The following PDK1 variants were observed in gnomAD, a reference collection of about 807,000 sequenced individuals.
PDK1 encodes [Pyruvate dehydrogenase (acetyl-transferring)] kinase isozyme 1, mitochondrial.
PDK1 carries 39 observed loss-of-function variants against 54.2 expected under a neutral mutation model. The observed-to-expected ratio is 0.72, with a 90% CI of 0.56 to 0.94. PDK1 has a LOEUF of 0.94. Ranked by LOEUF, PDK1 falls within the 40% of genes least tolerant of loss-of-function variation. The pLI, the probability that PDK1 is intolerant of heterozygous loss-of-function variation, is 0.00. For synonymous variants in PDK1, 221 were observed against 207.1 expected (o/e 1.07, Z -0.58); for missense variants, 552 against 566.0 (o/e 0.98, Z 0.25).
chr2:172,721,147 C>T, the PDK1 span, among the ~76,000 whole-genome samples: 1 of 152,200 alleles, frequency 6.6e-6, no homozygotes, highest in South Asian at 2.1e-4. Context: ...GAAGGTGAGA[C>T]AGAGCTTGTA....
chr2:172,673,984 C>G, the PDK1 span, among the ~76,000 whole-genome samples: 15 of 152,322 alleles, frequency 9.8e-5, no homozygotes, highest in African/African-American at 3.6e-4. Flanking sequence ...TTTGAGCTTC[C>G]TTGGATTTAG....
chr2:172,701,309 T>C, the PDK1 span, among the ~76,000 whole-genome samples: 1 of 146,732 alleles, frequency 6.8e-6, no homozygotes, highest in African/African-American at 2.6e-5. Context: ...ACAGATACTA[T>C]GTTTTGATTA....
chr2:172,716,623 C>T, the PDK1 span, among the ~76,000 whole-genome samples: 1 of 151,894 alleles, frequency 6.6e-6, no homozygotes, highest in African/African-American at 2.4e-5. Context: ...CTGTGCCAGG[C>T]CTAAGTTGGC....
the PDK1 span, among the ~76,000 whole-genome samples, chr2:172,658,727 A>C: frequency 6.6e-6 from 1 of 152,198 alleles, no homozygotes; most frequent in Non-Finnish European, 1.5e-5. Context: ...TATCTGTCTT[A>C]TGCAGTCAAG....
At chr2:172,719,177 C>T in the PDK1 span, among the ~76,000 whole-genome samples, 5 of 152,180 alleles carry the variant, frequency 3.3e-5, no homozygotes, top group Non-Finnish European at 5.9e-5. Context: ...CTGAGTAGTA[C>T]TCCATTGCAT....
the PDK1 span, among the ~76,000 whole-genome samples, chr2:172,694,392 A>G: frequency 6.6e-6 from 1 of 152,242 alleles, no homozygotes; most frequent in African/African-American, 2.4e-5. Context: ...TAAAAGAAAT[A>G]CAGCAGGTCC....
intron 6 of PDK1, among the ~76,000 whole-genome samples, chr2:172,568,064 T>C (rs1294248514): frequency 6.6e-6 from 1 of 152,142 alleles, no homozygotes; most frequent in African/African-American, 2.4e-5. Flanking sequence ...CTGGGCGCAG[T>C]GGCTCACATC....
rs1691102071 is a variant in PDK1, at chr2:172,601,126, G to T, written c.*5157G>T. On this transcript the variant is annotated 3_prime_UTR_variant, in exon 11 of 11. Transcript: ENST00000282077. ...GCCTTCTATAACAATTGTATGCTCA[G>T]TAAATACATAAGGAATAATGAACTT... 1 of 152,126 alleles carries T rather than the reference G, an allele frequency of 6.6e-6. No individual in the cohort carries two copies. Among genetic ancestry groups the T allele is most frequent in the Admixed American group, 6.6e-5 (1 of 15,262 alleles). The allele number at this position is 152,126 out of a possible 1,614,324, so 9.4% of individuals were successfully genotyped here.
chr2:172,670,972 C>T, the PDK1 span, among the ~76,000 whole-genome samples: 2 of 151,986 alleles, frequency 1.3e-5, no homozygotes, highest in Admixed American at 6.5e-5. Flanking sequence ...AAAATGCTAA[C>T]GTGTTGACTT....
At chr2:172,679,876 T>C in the PDK1 span, among the ~76,000 whole-genome samples, 1 of 152,224 alleles carries the variant, frequency 6.6e-6, no homozygotes, top group Non-Finnish European at 1.5e-5. Flanking sequence ...TTGGGTTTTT[T>C]TTAGCCTCTT....
chr2:172,633,212 A>T, the PDK1 span, among the ~76,000 whole-genome samples: 1 of 20,794 alleles, frequency 4.8e-5, no homozygotes, highest in East Asian at 3.8e-3. Context: ...TTGGCTAATT[A>T]AAAAAAATTT....
the PDK1 span, among the ~76,000 whole-genome samples, chr2:172,621,959 T>A: frequency 6.7e-6 from 1 of 150,206 alleles, no homozygotes; most frequent in Non-Finnish European, 1.5e-5. Flanking sequence ...GTATATTTTA[T>A]ATCTCATATG....
intron 10 of PDK1, among the ~76,000 whole-genome samples, chr2:172,595,442 T>C (rs559752418): frequency 6.6e-6 from 1 of 152,370 alleles, no homozygotes; most frequent in South Asian, 2.1e-4. Flanking sequence ...ATAATTAAAA[T>C]AGAGTTCATT....
At chr2:172,639,413 T>C in the PDK1 span, among the ~76,000 whole-genome samples, 215 of 152,300 alleles carry the variant, frequency 1.4e-3, 2 homozygotes, top group Admixed American at 0.012. Flanking sequence ...TTTTCTAGGT[T>C]CCCATGTGTC....
In PDK1 at chr2:172,604,944, A is replaced by C. The variant is rs1558966278; in HGVS notation, c.*8975A>C. ...TCTTATCTTCCAAATGGCAGGCAGT[A>C]AATGGCTTATTAAGCAAGTATAAGA... is the stretch of plus-strand genomic sequence containing the variant. On this transcript the variant is annotated 3_prime_UTR_variant, in exon 11 of 11. Coordinates refer to ENST00000282077, the MANE Select transcript of PDK1 (RefSeq NM_002610.5). 6.6e-6 allele frequency: 1 copy of C among 152,254 alleles called. No homozygotes were observed. The highest frequency in any genetic ancestry group is 1.5e-5 in the Non-Finnish European group (1 of 68,048). 9.4% of individuals were successfully genotyped at this position (152,254 alleles called of 1,614,324 possible).
At chr2:172,588,884 G>T (rs190400894) in intron 9 of PDK1, among the ~76,000 whole-genome samples, 1 of 152,170 alleles carries the variant, frequency 6.6e-6, no homozygotes, top group African/African-American at 2.4e-5. Flanking sequence ...ACTCAGTTTT[G>T]TTCTTTCCAA....
At chr2:172,654,845 G>GATAT in the PDK1 span, among the ~76,000 whole-genome samples, 5 of 152,096 alleles carry the variant, frequency 3.3e-5, no homozygotes, top group Non-Finnish European at 7.4e-5. Context: ...TCCCTACCTG[G>GATAT]CTAGGGATAA....
chr2:172,658,832 G>T, the PDK1 span, among the ~76,000 whole-genome samples: 1 of 152,098 alleles, frequency 6.6e-6, no homozygotes, highest in Non-Finnish European at 1.5e-5. Context: ...GGTCAGATTG[G>T]TTCTCTGCTC....
chr2:172,621,637 TTATA>T, the PDK1 span, among the ~76,000 whole-genome samples: 7 of 146,464 alleles, frequency 4.8e-5, no homozygotes, highest in African/African-American at 1.5e-4. Flanking sequence ...TATCATATGT[TTATA>T]TATCATATAT....
Sources: gnomAD v4.1 joint callset for allele counts (sites outside exome capture counted in the v4.1 genomes callset) on GRCh38, gnomAD v4.1.1 for gene constraint, MANE v1.5 for transcripts, NCBI Gene and HGNC (gene_info 2026-07-23, HGNC 2026-07-21) for gene names.